The following CCBE1 variants were observed in gnomAD, a reference collection of about 807,000 sequenced individuals.
The protein encoded by CCBE1 is collagen and calcium binding EGF domains 1.
A neutral mutation model predicts 50.0 loss-of-function variants in CCBE1; 37 were observed. The ratio of observed to expected loss-of-function variants is 0.74; its 90% CI spans 0.57 to 0.97. CCBE1 has a LOEUF of 0.97. Ranked by LOEUF, CCBE1 falls within the 50% of genes least tolerant of loss-of-function variation. CCBE1 has a pLI of 0.00. For missense variants in CCBE1, 538 were observed against 523.8 expected (o/e 1.03, Z -0.26); for synonymous variants, 234 against 203.7 (o/e 1.15, Z -1.27).
intron 2 of CCBE1, among the ~76,000 whole-genome samples, chr18:59,645,436 A>T (rs1047641998): frequency 1.3e-5 from 2 of 152,190 alleles, no homozygotes; most frequent in African/African-American, 4.8e-5. Context: ...AAAAGATTTT[A>T]AAACTACCTG....
chr18:59,617,732 T>C (rs1345040445), intron 2 of CCBE1, among the ~76,000 whole-genome samples: 6 of 152,186 alleles, frequency 3.9e-5, no homozygotes, highest in Non-Finnish European at 7.3e-5. Flanking sequence ...GTAAAGCATC[T>C]GCATTAGTAG....
intron 2 of CCBE1, among the ~76,000 whole-genome samples, chr18:59,504,371 C>T (rs981126505): frequency 2.1e-5 from 3 of 143,788 alleles, no homozygotes; most frequent in African/African-American, 5.3e-5. Flanking sequence ...GTATCTGATC[C>T]TAGAATGTCT....
intron 2 of CCBE1, among the ~76,000 whole-genome samples, chr18:59,538,626 G>A (rs764374609): frequency 1.6e-4 from 25 of 152,300 alleles, no homozygotes; most frequent in African/African-American, 3.8e-4. Context: ...AATGCCTGAC[G>A]TGAGGAGGGA....
In CCBE1 at chr18:59,534,319, C is replaced by A. The variant is rs1011786357; in HGVS notation, c.213-54081G>T. Among the ~76,000 whole-genome samples, 6 of 152,308 alleles carry A rather than the reference C, an allele frequency of 3.9e-5. No individual in the cohort carries two copies. The East Asian group carries it at 7.7e-4, about 20-fold the overall frequency. On this transcript the variant is annotated intron_variant, in intron 2 of 10. Transcript: ENST00000439986. Reference sequence around the variant, plus strand: ...AGTAAAAATGTATTGAATCCCAAATCTGTAAGGCCCTGAGGTTTTTGTCTT... The same window carrying A: ...AGTAAAAATGTATTGAATCCCAAATATGTAAGGCCCTGAGGTTTTTGTCTT...
intron 7 of CCBE1, among the ~76,000 whole-genome samples, chr18:59,443,469 CTTTT>C (rs11337100): frequency 2.1e-5 from 3 of 144,830 alleles, no homozygotes; most frequent in Non-Finnish European, 4.6e-5. Context: ...AATTTGCCAA[CTTTT>C]TTTTTTTTTT....
intron 2 of CCBE1, among the ~76,000 whole-genome samples, chr18:59,499,210 G>T (rs977812582): frequency 2.0e-5 from 3 of 152,118 alleles, no homozygotes; most frequent in African/African-American, 7.2e-5. Context: ...ACTGTAAAAA[G>T]GATGGCATTC....
chr18:59,549,618 C>T (rs2144409943), intron 2 of CCBE1, among the ~76,000 whole-genome samples: 1 of 152,300 alleles, frequency 6.6e-6, no homozygotes, highest in South Asian at 2.1e-4. Context: ...ACCTGAGCAA[C>T]TGTCAGGAGG....
At chr18:59,507,927 T>C (rs1400451173) in intron 2 of CCBE1, among the ~76,000 whole-genome samples, 1 of 150,810 alleles carries the variant, frequency 6.6e-6, no homozygotes, top group Non-Finnish European at 1.5e-5. Context: ...CATCTCCCTC[T>C]GTCACCAGGC....
Position 59,454,904 on chromosome 18 carries a change from T to G in CCBE1, c.601A>C (p.Thr201Pro). 6.2e-7 allele frequency: 1 copy of G among 1,614,204 alleles called. No individual in the cohort carries two copies. The highest frequency in any genetic ancestry group is 8.5e-7 in the Non-Finnish European group (1 of 1,180,030). ...TTCATCTGGTAGAACTCCTTGCATG[T>G]GGCACAGCAAGTTCCGGCTTTCACC... ...NMVKAGTCCA[T>P]CKEFYQMKQT... is the part of the protein sequence containing the mutation. Residue 201 changes from threonine (T) to proline (P), a missense_variant, in exon 6 of 11, where the codon ACA (threonine) becomes CCA (proline). Thr to Pro is a conservative substitution (Grantham distance 38). Coordinates refer to ENST00000439986, the MANE Select transcript of CCBE1 (RefSeq NM_133459.4).
At chr18:59,533,125 T>C (rs1258170809) in intron 2 of CCBE1, among the ~76,000 whole-genome samples, 2 of 152,254 alleles carry the variant, frequency 1.3e-5, no homozygotes, top group Admixed American at 6.5e-5. Flanking sequence ...TATTTCATTA[T>C]AGTTAATATA....
chr18:59,514,198 C>T (rs1031026092), intron 2 of CCBE1, among the ~76,000 whole-genome samples: 8 of 152,172 alleles, frequency 5.3e-5, no homozygotes, highest in African/African-American at 1.9e-4. Flanking sequence ...CAAACAGTTA[C>T]GGATCCCATA....
intron 2 of CCBE1, among the ~76,000 whole-genome samples, chr18:59,524,474 C>A (rs1914735819): frequency 6.6e-6 from 1 of 152,112 alleles, no homozygotes; most frequent in African/African-American, 2.4e-5. Flanking sequence ...TGCATTCTAT[C>A]CTTCAACCAG....
intron 2 of CCBE1, among the ~76,000 whole-genome samples, chr18:59,535,945 CCCAAAGTGTTTGGATTACAGGCACAAG>C (rs1416318600): frequency 1.3e-5 from 2 of 152,146 alleles, no homozygotes; most frequent in Non-Finnish European, 2.9e-5. Context: ...GCCTTGGCTT[CCCAAAGTGTTTGGATTACAGGCACAAG>C]CCACGGTGCC....
At chr18:59,479,122 T>C (rs668432) in intron 3 of CCBE1, among the ~76,000 whole-genome samples, 53,494 of 152,120 alleles carry the variant, frequency 0.35, 9,680 homozygotes, top group East Asian at 0.55. Flanking sequence ...AGATCTTCTA[T>C]AGAGATCTGG....
At chr18:59,601,945 A>G (rs1007804889) in intron 2 of CCBE1, among the ~76,000 whole-genome samples, 15 of 152,158 alleles carry the variant, frequency 9.9e-5, no homozygotes, top group Non-Finnish European at 1.5e-5. Flanking sequence ...CCATCTTTAA[A>G]TGATTAGCAA....
chr18:59,682,429 TTCA>T lies in CCBE1; in HGVS notation c.212+14197_212+14199del, dbSNP rs201943611. On this transcript the variant is annotated intron_variant, in intron 2 of 10. Coordinates refer to ENST00000439986, the MANE Select transcript of CCBE1 (RefSeq NM_133459.4). ...TATCTGGTTATATTAGATCTTCTGA[TTCA>T]TTTTGATAAAACTTAAGATGCTAAT... Among the ~76,000 whole-genome samples the T allele has an allele frequency of 6.4e-4, 97 of 152,338 alleles. 2 individuals are homozygous for T. The East Asian group carries it at 0.011, about 17-fold the overall frequency.
At chr18:59,503,973 G>A (rs974808132) in intron 2 of CCBE1, among the ~76,000 whole-genome samples, 4 of 152,050 alleles carry the variant, frequency 2.6e-5, no homozygotes, top group East Asian at 1.9e-4. Context: ...TTTCCATCCC[G>A]GCTGTGAACT....
At chr18:59,616,627 C>A (rs1006843614) in intron 2 of CCBE1, among the ~76,000 whole-genome samples, 55 of 152,136 alleles carry the variant, frequency 3.6e-4, no homozygotes, top group African/African-American at 1.3e-3. Context: ...GGCCCTAAGA[C>A]CCCAGTTGCC....
intron 2 of CCBE1, among the ~76,000 whole-genome samples, chr18:59,586,356 C>T (rs935561609): frequency 6.6e-6 from 1 of 152,164 alleles, no homozygotes; most frequent in Non-Finnish European, 1.5e-5. Flanking sequence ...CACAAACACA[C>T]TTGAGAAGAA....
Sources: gnomAD v4.1 joint callset for allele counts (sites outside exome capture counted in the v4.1 genomes callset) on GRCh38, gnomAD v4.1.1 for gene constraint, MANE v1.5 for transcripts, NCBI Gene and HGNC (gene_info 2026-07-23, HGNC 2026-07-21) for gene names.